Variants in HAUS8 observed in about 807,000 individuals in gnomAD.
HAUS8 encodes the protein HAUS augmin-like complex subunit 8.
HAUS8 carries 38 observed loss-of-function variants against 42.9 expected under a neutral mutation model. The ratio of observed to expected loss-of-function variants is 0.89; its 90% confidence interval spans 0.68 to 1.16. The LOEUF is 1.16. Ranked by LOEUF, HAUS8 falls within the 50% of genes most tolerant of loss-of-function variation. The pLI is 0.00. For synonymous variants in HAUS8, 199 were observed against 205.8 expected, an observed-to-expected ratio of 0.97 and a Z score of 0.28; for missense variants, 494 against 511.6, an observed-to-expected ratio of 0.97 and a Z score of 0.33.
At chr19:17,069,276 C>G (rs1006127949) in intron 2 of HAUS8, among the ~76,000 whole-genome samples, 190 bp from the exon 3 acceptor site, 2 of 152,084 alleles carry the variant, frequency 1.3e-5, no homozygotes, top group African/African-American at 4.8e-5. Flanking sequence ...GCATGGGACG[C>G]CTACTGTATG....
chr19:17,071,068 C>CACA (rs754245352), intron 2 of HAUS8, among the ~76,000 whole-genome samples: 14 of 68,876 alleles, frequency 2.0e-4, no homozygotes, highest in Non-Finnish European at 2.9e-4. Context: ...GACTTTGTCT[C>CACA]ATAAAAAAAA....
At position 17,050,041 on chromosome 19, in the gene HAUS8, T is replaced by C. The variant is rs751433472; in HGVS notation, c.1065A>G (p.Arg355=). Residue 355 remains arginine (R), a synonymous_variant, in exon 11 of 11, where the codon AGA becomes AGG. Coordinates refer to ENST00000253669, the MANE Select transcript of HAUS8 (RefSeq NM_033417.2). ...RWYFNQDSAC[R]ESGGAPKNTP... Reference sequence around the variant, plus strand: ...TGTTCTTGGGTGCTCCCCCAGATTCTCTGCAGGCACTGTCTTGATTGAAAT... The same window carrying C: ...TGTTCTTGGGTGCTCCCCCAGATTCCCTGCAGGCACTGTCTTGATTGAAAT... 8.1e-6 allele frequency: 13 copies of C among 1,609,130 alleles called. No individual in the cohort carries two copies. The Middle Eastern group carries it at 4.9e-4, about 61-fold the overall frequency.
At chr19:17,061,118 G>A (rs2057358140) in intron 4 of HAUS8, among the ~76,000 whole-genome samples, 1 of 132,294 alleles carries the variant, frequency 7.6e-6, no homozygotes, top group Non-Finnish European at 1.6e-5. Flanking sequence ...CCTGGGGTGA[G>A]GAGGTGGAAA....
intron 8 of HAUS8, 58 bp from the exon 9 acceptor site, chr19:17,056,060 C>T: frequency 2.6e-6 from 4 of 1,556,196 alleles, no homozygotes; most frequent in Non-Finnish European, 3.5e-6. Flanking sequence ...GGAAACTTAA[C>T]AGAAGCTTAA....
Position 17,050,043 on chromosome 19 carries a change from T to C in HAUS8, c.1063A>G (p.Arg355Gly), listed in dbSNP as rs757135631. Reference protein sequence around the residue: ...RWYFNQDSACRESGGAPKNTP... With the variant: ...RWYFNQDSACGESGGAPKNTP... The stretch of plus-strand genomic sequence containing the variant: ...TTCTTGGGTGCTCCCCCAGATTCTC[T>C]GCAGGCACTGTCTTGATTGAAATAC... The change falls in exon 11 of 11, where the codon AGA (arginine) becomes GGA (glycine). Residue 355 changes from arginine (R) to glycine (G), a missense_variant. Physicochemically the swap from Arg to Gly is moderately radical, Grantham distance 125 (BLOSUM62 -2). Transcript: ENST00000253669. 1.4e-5 allele frequency: 23 copies of C among 1,609,214 alleles called. No homozygotes were observed. Among genetic ancestry groups the C allele is most frequent in the Middle Eastern group, 3.3e-4 (2 of 6,048 alleles).
At chr19:17,059,721 T>C (rs2057348684) in intron 5 of HAUS8, 70 bp from the exon 6 acceptor site, 3 of 1,012,146 alleles carry the variant, frequency 3.0e-6, no homozygotes. Context: ...CCATTTTTTT[T>C]CTAATGATGG....
intron 4 of HAUS8, 33 bp from the exon 5 acceptor site, chr19:17,060,125 A>G: frequency 6.9e-7 from 1 of 1,448,106 alleles, no homozygotes; most frequent in Non-Finnish European, 9.7e-7. Context: ...AAGTCAGCAC[A>G]GTCAAGAGAC....
intron 3 of HAUS8, among the ~76,000 whole-genome samples, chr19:17,066,968 G>A (rs1231164016): frequency 2.0e-5 from 3 of 152,184 alleles, no homozygotes; most frequent in Non-Finnish European, 4.4e-5. Flanking sequence ...ATTTTGGGAG[G>A]CTGAGGCAGG....
chr19:17,051,009 G>A (rs956881226), intron 10 of HAUS8, among the ~76,000 whole-genome samples: 4 of 151,800 alleles, frequency 2.6e-5, no homozygotes, highest in African/African-American at 7.3e-5. Context: ...GCAGTGAACC[G>A]AGATCGCGCC....
chr19:17,053,363 C>T (rs17454516), intron 9 of HAUS8: 25,574 of 216,730 alleles, frequency 0.12, 1,759 homozygotes, highest in Non-Finnish European at 0.13. Flanking sequence ...AACTGCGGGA[C>T]CTGTGTCACC....
At chr19:17,052,604 G>T (rs551244637) in intron 10 of HAUS8, 4 of 460,708 alleles carry the variant, frequency 8.7e-6, no homozygotes, top group Non-Finnish European at 1.5e-5. Flanking sequence ...AAGGCAAGGC[G>T]GGTGCTTTTG....
intron 1 of HAUS8, chr19:17,074,221 A>AT (rs1403563478): frequency 6.6e-6 from 1 of 152,660 alleles, no homozygotes; most frequent in East Asian, 1.9e-4. Context: ...GGGCAAGTGG[A>AT]TGGGCAAGTG....
intron 8 of HAUS8, 79 bp from the exon 9 acceptor site, chr19:17,056,081 A>C: frequency 4.3e-6 from 6 of 1,394,924 alleles, no homozygotes; most frequent in Non-Finnish European, 6.0e-6. Context: ...CGGCTTGTGC[A>C]GGGTTAAGAT....
At chr19:17,055,130 AAAAAAAAAAAAAAATATATAT>A (rs1484953166) in intron 9 of HAUS8, 1 of 35,908 alleles carries the variant, frequency 2.8e-5, no homozygotes, top group Admixed American at 5.4e-4. Flanking sequence ...AAAAAAAAAA[AAAAAAAAAAAAAAATATATAT>A]ATATATATAT....
chr19:17,052,237 G>C (rs2057291900), intron 10 of HAUS8: 2 of 151,976 alleles, frequency 1.3e-5, no homozygotes, highest in African/African-American at 4.8e-5. Flanking sequence ...CAAAGTGCTG[G>C]GATGACAGGC....
In HAUS8 at chr19:17,055,785, T is replaced by C. The variant is rs2123363555; in HGVS notation, c.787+76A>G. 8.2e-6 allele frequency: 12 copies of C among 1,471,588 alleles called. 1 individual carries two copies. The South Asian group carries it at 1.2e-4, about 14-fold the overall frequency. 91.2% of individuals were successfully genotyped at this position (1,471,588 alleles called of 1,614,324 possible). On this transcript the variant is annotated intron_variant, in intron 9 of 10. Transcript: ENST00000253669. ...GAAGAGGGCACTTGCGGTGATGACA[T>C]CAGGCCCACAGGAAGCACCCACACA... is the stretch of plus-strand genomic sequence containing the variant.
chr19:17,054,815 C>T (rs1599971035), intron 9 of HAUS8, among the ~76,000 whole-genome samples: 1 of 151,582 alleles, frequency 6.6e-6, no homozygotes, highest in South Asian at 2.1e-4. Flanking sequence ...AATAAATTAG[C>T]CAGGTGCAGT....
chr19:17,053,589 T>C (rs1568634082), intron 9 of HAUS8: 1 of 152,006 alleles, frequency 6.6e-6, no homozygotes, highest in Non-Finnish European at 1.5e-5. Flanking sequence ...GTTTTGTGGA[T>C]GGGGGGGAGT....
chr19:17,068,646 C>T (rs374213836), intron 3 of HAUS8, among the ~76,000 whole-genome samples: 16 of 152,166 alleles, frequency 1.1e-4, no homozygotes, highest in African/African-American at 3.9e-4. Flanking sequence ...ACACGCCTTT[C>T]GTCCCAGTTA....
Sources: allele counts gnomAD v4.1 joint callset (sites outside exome capture counted in the v4.1 genomes callset), GRCh38; gene constraint gnomAD v4.1.1; transcripts MANE v1.5; gene names NCBI Gene and HGNC (gene_info 2026-07-23, HGNC 2026-07-21).